The following WASHC3 variants were observed in gnomAD, a reference collection of about 807,000 sequenced individuals.
The protein encoded by WASHC3 is WASH complex subunit CCDC53.
Under a neutral mutation model 26.1 loss-of-function variants are expected in WASHC3, and 24 were observed. The ratio of observed to expected loss-of-function variants is 0.92; its 90% CI spans 0.66 to 1.29. The LOEUF (loss-of-function observed/expected upper bound fraction) is 1.29, where lower values mean the gene tolerates loss of function less well. Ranked by LOEUF, WASHC3 falls within the 50% of genes most tolerant of loss-of-function variation. WASHC3 has a pLI of 0.00. For synonymous variants in WASHC3, 77 were observed against 75.7 expected, an observed-to-expected ratio of 1.02 and a Z score of -0.09; for missense variants, 214 against 229.6, an observed-to-expected ratio of 0.93 and a Z score of 0.44.
At chr12:102,053,175 C>T (rs2136686984) in intron 2 of WASHC3, among the ~76,000 whole-genome samples, 1 of 151,836 alleles carries the variant, frequency 6.6e-6, no homozygotes, top group South Asian at 2.1e-4. Context: ...GGGTTCCAAG[C>T]ACCAGGCCCA....
intron 6 of WASHC3, among the ~76,000 whole-genome samples, chr12:102,025,249 A>G (rs1197687550): frequency 6.6e-6 from 1 of 152,126 alleles, no homozygotes; most frequent in Non-Finnish European, 1.5e-5. Flanking sequence ...ACAAGTACCT[A>G]GATACTTGCA....
intron 2 of WASHC3, among the ~76,000 whole-genome samples, chr12:102,054,789 T>C (rs185651622): frequency 6.6e-6 from 1 of 152,112 alleles, no homozygotes; most frequent in Non-Finnish European, 1.5e-5. Context: ...AACTGGAAAT[T>C]AAATAACATG....
At chr12:102,026,696 C>T (rs1474767516) in intron 5 of WASHC3, among the ~76,000 whole-genome samples, 3 of 152,138 alleles carry the variant, frequency 2.0e-5, no homozygotes, top group Non-Finnish European at 1.5e-5. Context: ...AATAAAGACA[C>T]ATTTACTTGA....
intron 2 of WASHC3, among the ~76,000 whole-genome samples, chr12:102,058,111 AG>A: frequency 6.6e-6 from 1 of 152,278 alleles, no homozygotes; most frequent in Admixed American, 6.5e-5. Context: ...TTTTTGAGAA[AG>A]ATGTTAAGAA....
At chr12:102,040,006 T>C (rs1414354206) in intron 4 of WASHC3, 28 bp from the exon 5 acceptor site, 4 of 1,086,632 alleles carry the variant, frequency 3.7e-6, no homozygotes, top group East Asian at 2.5e-5. Context: ...TGTAAATCTT[T>C]AGACAATTTA....
intron 2 of WASHC3, among the ~76,000 whole-genome samples, chr12:102,047,026 C>T (rs1289101016): frequency 6.6e-6 from 1 of 152,044 alleles, no homozygotes; most frequent in African/African-American, 2.4e-5. Context: ...GCAAGATAAA[C>T]CAGATAGAAG....
At chr12:102,043,271 ATTTATTT>A (rs1458972366) in intron 4 of WASHC3, among the ~76,000 whole-genome samples, 1 of 151,914 alleles carries the variant, frequency 6.6e-6, no homozygotes, top group Non-Finnish European at 1.5e-5. Flanking sequence ...TTATTTATTT[ATTTATTT>A]TTTATTTTTG....
chr12:102,042,500 ACTGT>A (rs1877980912), intron 4 of WASHC3, among the ~76,000 whole-genome samples: 1 of 152,156 alleles, frequency 6.6e-6, no homozygotes, highest in African/African-American at 2.4e-5. Flanking sequence ...TTGGCACCAG[ACTGT>A]CTGGGTTAAA....
intron 2 of WASHC3, among the ~76,000 whole-genome samples, chr12:102,046,685 C>T (rs1878180928): frequency 6.6e-6 from 1 of 152,078 alleles, no homozygotes; most frequent in African/African-American, 2.4e-5. Context: ...TTGTTGAGAC[C>T]AGAATATAAA....
In WASHC3 at chr12:102,015,862, C is replaced by T. The variant is rs571499182; in HGVS notation, c.501-2670G>A. 3.9e-5 allele frequency among the ~76,000 whole-genome samples: 6 copies of T among 152,306 alleles called. No homozygotes were observed. In the South Asian group the frequency reaches 6.2e-4, roughly 16 times the overall value. ...TATAATGGAGCTGAGAAACCTCTAT[C>T]GCCTAGTATTTACTATACTGTACTT... On this transcript the variant is annotated intron_variant, in intron 6 of 6. Transcript: ENST00000240079.
chr12:102,037,898 C>T (rs568293542), intron 5 of WASHC3, among the ~76,000 whole-genome samples: 3 of 151,928 alleles, frequency 2.0e-5, no homozygotes, highest in Non-Finnish European at 2.9e-5. Flanking sequence ...TGGGTTCAAG[C>T]GATTCTCCTG....
intron 2 of WASHC3, 39 bp downstream of exon 2, chr12:102,061,209 T>C (rs1194371813): frequency 1.5e-6 from 2 of 1,361,036 alleles, no homozygotes; most frequent in Non-Finnish European, 1.1e-6. Context: ...TGAAAGGTGA[T>C]TTCCAGGCGA....
rs532229113 is a variant in WASHC3, at chr12:102,060,405, G to A, written c.150+843C>T. Among the ~76,000 whole-genome samples the A allele has an allele frequency of 7.9e-5, 12 of 152,224 alleles. No homozygotes were observed. The South Asian group carries it at 2.5e-3, about 32-fold the overall frequency. On this transcript the variant is annotated intron_variant, in intron 2 of 6. Transcript: ENST00000240079. Reference sequence around the variant, plus strand: ...AGTGATCCTCCTGCCTCTGCCTCCCGAGTAGCTGGGATTACAGGTGCGCAC... The same window carrying A: ...AGTGATCCTCCTGCCTCTGCCTCCCAAGTAGCTGGGATTACAGGTGCGCAC...
At chr12:102,042,350 C>T (rs1302550922) in intron 4 of WASHC3, among the ~76,000 whole-genome samples, 1 of 152,060 alleles carries the variant, frequency 6.6e-6, no homozygotes, top group African/African-American at 2.4e-5. Flanking sequence ...CAAATATATA[C>T]TATATTCTAA....
intron 6 of WASHC3, among the ~76,000 whole-genome samples, chr12:102,020,834 C>G (rs918994294): frequency 2.0e-5 from 3 of 152,206 alleles, no homozygotes; most frequent in African/African-American, 7.2e-5. Flanking sequence ...GTAATCCCAG[C>G]ACTTTGGGAG....
intron 5 of WASHC3, among the ~76,000 whole-genome samples, chr12:102,035,931 G>A (rs1479872629): frequency 1.3e-5 from 2 of 152,226 alleles, no homozygotes; most frequent in Non-Finnish European, 2.9e-5. Flanking sequence ...GAATGATTTA[G>A]TGGACGCAAT....
chr12:102,015,219 G>A (rs1482186601), intron 6 of WASHC3, among the ~76,000 whole-genome samples: 1 of 152,068 alleles, frequency 6.6e-6, no homozygotes, highest in African/African-American at 2.4e-5. Flanking sequence ...TTGAGCCTGG[G>A]GGCAGAGGCT....
rs544129044 is a variant in WASHC3, at chr12:102,021,350, A to G, written c.500+4624T>C. Among the ~76,000 whole-genome samples the G allele has an allele frequency of 5.3e-5, 8 of 152,314 alleles. No individual in the cohort carries two copies. The East Asian group carries it at 1.5e-3, about 29-fold the overall frequency. ...AATGCCTAATATCATGAAGAAAAAG[A>G]AAAGCAGCTGTTCTAGGTAGGATGG... On this transcript the variant is annotated intron_variant, in intron 6 of 6. Coordinates refer to ENST00000240079, the MANE Select transcript of WASHC3 (RefSeq NM_016053.4).
chr12:102,040,937 T>C (rs1366859412), intron 4 of WASHC3, among the ~76,000 whole-genome samples: 1 of 152,014 alleles, frequency 6.6e-6, no homozygotes, highest in Non-Finnish European at 1.5e-5. Flanking sequence ...AATATCTTTA[T>C]ATCTTCATAG....
Sources: allele counts gnomAD v4.1 joint callset (sites outside exome capture counted in the v4.1 genomes callset), GRCh38; gene constraint gnomAD v4.1.1; transcripts MANE v1.5; gene names NCBI Gene and HGNC (gene_info 2026-07-23, HGNC 2026-07-21).